Variants in TSC22D1 observed in about 807,000 individuals in gnomAD.
TSC22D1 encodes the protein TSC22 domain family protein 1.
A neutral mutation model predicts 74.2 loss-of-function variants in TSC22D1; 9 were observed. The ratio of observed to expected loss-of-function variants is 0.12; its 90% CI spans 0.07 to 0.21. The LOEUF is 0.21. Ranked by LOEUF, TSC22D1 falls within the 10% of genes least tolerant of loss-of-function variation. The pLI is 1.00. For synonymous variants in TSC22D1, 586 were observed against 492.5 expected, an observed-to-expected ratio of 1.19 and a Z score of -2.51; for missense variants, 1,427 against 1,304.7, an observed-to-expected ratio of 1.09 and a Z score of -1.44.
intron 1 of TSC22D1, among the ~76,000 whole-genome samples, chr13:44,543,155 G>T (rs1160137292): frequency 6.6e-6 from 1 of 152,030 alleles, no homozygotes; most frequent in East Asian, 1.9e-4. Context: ...ATCAGAAGCA[G>T]TATTTTATAT....
chr13:44,481,937 C>A (rs1878196909), intron 1 of TSC22D1, among the ~76,000 whole-genome samples: 1 of 152,136 alleles, frequency 6.6e-6, no homozygotes, highest in Admixed American at 6.5e-5. Flanking sequence ...ACCATTATTC[C>A]CAGTTAAAAC....
intron 1 of TSC22D1, among the ~76,000 whole-genome samples, chr13:44,553,165 G>A (rs968444577): frequency 1.3e-5 from 2 of 152,124 alleles, no homozygotes; most frequent in Admixed American, 1.3e-4. Context: ...CTCAATCTGT[G>A]TTTCAAGGAA....
chr13:44,566,235 GC>G (rs1883365049), intron 1 of TSC22D1, among the ~76,000 whole-genome samples: 1 of 152,016 alleles, frequency 6.6e-6, no homozygotes, highest in Non-Finnish European at 1.5e-5. Flanking sequence ...AGTAAAAACG[GC>G]ACTAGATTTC....
intron 1 of TSC22D1, among the ~76,000 whole-genome samples, chr13:44,488,582 AAAAAC>A (rs1397652630): frequency 6.6e-6 from 1 of 152,228 alleles, no homozygotes; most frequent in Non-Finnish European, 1.5e-5. Flanking sequence ...TTGGAAAAGA[AAAAAC>A]AAAGCTGTCA....
At position 44,575,318 on chromosome 13, in the gene TSC22D1, G is replaced by T; in HGVS notation, c.757C>A (p.Pro253Thr). ...AVASASITGG[P>T]PSSPVSRKLS... ...TTTCTAGATACTGGGCTTGAGGGTGGCCCACCAGTAATGGATGCACTGGCC... is the reference window on the plus strand; with the variant it reads ...TTTCTAGATACTGGGCTTGAGGGTGTCCCACCAGTAATGGATGCACTGGCC... The change falls in exon 1 of 3, where the codon CCA (proline) becomes ACA (threonine). Residue 253 changes from proline to threonine, a missense_variant. Coordinates refer to ENST00000458659, the MANE Select transcript of TSC22D1 (RefSeq NM_183422.4). The T allele has an allele frequency of 6.2e-7, 1 of 1,614,164 alleles. No homozygotes were observed. Among genetic ancestry groups the T allele is most frequent in the Non-Finnish European group, 8.5e-7 (1 of 1,180,036 alleles).
At chr13:44,493,086 A>C (rs1161325985) in intron 1 of TSC22D1, among the ~76,000 whole-genome samples, 1 of 152,218 alleles carries the variant, frequency 6.6e-6, no homozygotes, top group South Asian at 2.1e-4. Context: ...AAAAATGAGA[A>C]GAAACTATCA....
At chr13:44,500,017 G>C (rs944260228) in intron 1 of TSC22D1, among the ~76,000 whole-genome samples, 12 of 151,664 alleles carry the variant, frequency 7.9e-5, no homozygotes, top group African/African-American at 2.7e-4. Context: ...AACCCAGGAG[G>C]CGGAGGTTGC....
chr13:44,479,536 C>T (rs985178023), intron 1 of TSC22D1, among the ~76,000 whole-genome samples: 4 of 152,150 alleles, frequency 2.6e-5, no homozygotes, highest in Admixed American at 6.5e-5. Flanking sequence ...ACTTGTATAT[C>T]GTATAATCCT....
At chr13:44,517,855 ATATTTT>A (rs1880116705) in intron 1 of TSC22D1, among the ~76,000 whole-genome samples, 9 of 23,534 alleles carry the variant, frequency 3.8e-4, no homozygotes, top group African/African-American at 6.6e-4. Flanking sequence ...ATATATATAT[ATATTTT>A]TTTTTTTTTT....
intron 1 of TSC22D1, among the ~76,000 whole-genome samples, chr13:44,500,135 C>T (rs535605984): frequency 2.2e-4 from 34 of 151,334 alleles, no homozygotes; most frequent in Non-Finnish European, 3.8e-4. Flanking sequence ...AAAAAGCTCA[C>T]GGCTAACTTA....
At chr13:44,561,546 T>C (rs1883038904) in intron 1 of TSC22D1, among the ~76,000 whole-genome samples, 1 of 152,218 alleles carries the variant, frequency 6.6e-6, no homozygotes, top group African/African-American at 2.4e-5. Context: ...TCTATAAACA[T>C]CGGTGTACTT....
chr13:44,566,390 G>C (rs1883375111), intron 1 of TSC22D1, among the ~76,000 whole-genome samples: 2 of 152,128 alleles, frequency 1.3e-5, no homozygotes. Flanking sequence ...AGATTACTGA[G>C]TGGTTAAATA....
At chr13:44,513,649 T>C (rs946435488) in intron 1 of TSC22D1, among the ~76,000 whole-genome samples, 4 of 152,230 alleles carry the variant, frequency 2.6e-5, no homozygotes, top group Non-Finnish European at 5.9e-5. Context: ...ACCCTGGCTA[T>C]GTTTTTTCAT....
At chr13:44,489,555 C>G (rs1166664178) in intron 1 of TSC22D1, among the ~76,000 whole-genome samples, 1 of 151,162 alleles carries the variant, frequency 6.6e-6, no homozygotes, top group Non-Finnish European at 1.5e-5. Flanking sequence ...GCTGAGAACA[C>G]TGGCTCATGC....
chr13:44,571,079 G>A (rs979162232), intron 1 of TSC22D1, among the ~76,000 whole-genome samples: 3 of 152,128 alleles, frequency 2.0e-5, no homozygotes, highest in Non-Finnish European at 2.9e-5. Context: ...ACGAAACTTT[G>A]ATGTTAACTA....
chr13:44,459,581 G>T (rs1418691150), intron 1 of TSC22D1, among the ~76,000 whole-genome samples: 1 of 152,202 alleles, frequency 6.6e-6, no homozygotes, highest in African/African-American at 2.4e-5. Context: ...CAGAAACAGG[G>T]CTTGCCACAT....
chr13:44,468,243 G>A (rs755015245), intron 1 of TSC22D1, among the ~76,000 whole-genome samples: 5 of 152,088 alleles, frequency 3.3e-5, no homozygotes, highest in Non-Finnish European at 7.4e-5. Flanking sequence ...TAGAAAGGGG[G>A]TGAGGGATAG....
chr13:44,522,738 A>C (rs1880374214), intron 1 of TSC22D1, among the ~76,000 whole-genome samples: 1 of 152,228 alleles, frequency 6.6e-6, no homozygotes, highest in African/African-American at 2.4e-5. Flanking sequence ...AAACTTGTAG[A>C]TAATGAGGAA....
chr13:44,479,253 T>G (rs1267492647), intron 1 of TSC22D1, among the ~76,000 whole-genome samples: 1 of 151,812 alleles, frequency 6.6e-6, no homozygotes, highest in Non-Finnish European at 1.5e-5. Flanking sequence ...CCCACGGGCA[T>G]GGCCCAGGAC....
Sources: gnomAD v4.1 joint callset for allele counts (sites outside exome capture counted in the v4.1 genomes callset) on GRCh38, gnomAD v4.1.1 for gene constraint, MANE v1.5 for transcripts, NCBI Gene and HGNC (gene_info 2026-07-23, HGNC 2026-07-21) for gene names.